Variants in SAMD4A observed in about 807,000 individuals in gnomAD.
The protein encoded by SAMD4A is protein Smaug homolog 1.
A neutral mutation model predicts 81.3 loss-of-function variants in SAMD4A; 33 were observed. The observed-to-expected ratio is 0.41, with a 90% CI of 0.31 to 0.54. The LOEUF (loss-of-function observed/expected upper bound fraction) is 0.54, where lower values mean the gene tolerates loss of function less well. Among genes scored for constraint, SAMD4A ranks in the 20% least tolerant of loss-of-function variants. SAMD4A has a pLI of 0.37. For missense variants in SAMD4A, 854 were observed against 951.1 expected, an observed-to-expected ratio of 0.90 and a Z score of 1.34; for synonymous variants, 389 against 382.1, an observed-to-expected ratio of 1.02 and a Z score of -0.21.
intron 3 of SAMD4A, among the ~76,000 whole-genome samples, chr14:54,723,434 A>G (rs1200154691): frequency 1.3e-5 from 2 of 152,226 alleles, no homozygotes; most frequent in Admixed American, 1.3e-4. Context: ...AAGCAAGAAT[A>G]GTTTTTTTGA....
intron 3 of SAMD4A, among the ~76,000 whole-genome samples, chr14:54,725,560 A>G (rs1029607016): frequency 9.8e-5 from 15 of 152,336 alleles, no homozygotes; most frequent in African/African-American, 3.6e-4. Flanking sequence ...TTCATGCCAC[A>G]TGTAATAGGC....
chr14:54,697,477 C>T (rs1375570319), intron 2 of SAMD4A, among the ~76,000 whole-genome samples: 2 of 152,130 alleles, frequency 1.3e-5, no homozygotes, highest in Non-Finnish European at 2.9e-5. Flanking sequence ...TTCATTCTCT[C>T]CTTGAGGGTA....
intron 2 of SAMD4A, among the ~76,000 whole-genome samples, chr14:54,583,679 C>T (rs1201909972): frequency 6.6e-6 from 1 of 152,142 alleles, no homozygotes; most frequent in Non-Finnish European, 1.5e-5. Flanking sequence ...CACTCCTTGA[C>T]AGTTTTAAGA....
intron 3 of SAMD4A, among the ~76,000 whole-genome samples, chr14:54,733,532 C>T (rs1345824719): frequency 6.6e-6 from 1 of 152,112 alleles, no homozygotes; most frequent in Non-Finnish European, 1.5e-5. Flanking sequence ...TCCCTCTACC[C>T]ACACTATTAT....
At chr14:54,726,799 G>A (rs1368522031) in intron 3 of SAMD4A, among the ~76,000 whole-genome samples, 1 of 152,098 alleles carries the variant, frequency 6.6e-6, no homozygotes, top group Non-Finnish European at 1.5e-5. Context: ...GAAGTTAAGT[G>A]TACAGCCAAG....
intron 4 of SAMD4A, among the ~76,000 whole-genome samples, chr14:54,738,909 C>T (rs975827525): frequency 6.6e-6 from 1 of 152,166 alleles, no homozygotes; most frequent in Non-Finnish European, 1.5e-5. Flanking sequence ...GAAGCATTGG[C>T]CTTTGTGTTT....
chr14:54,772,998 A>C (rs1481476673), intron 9 of SAMD4A, among the ~76,000 whole-genome samples: 1 of 152,172 alleles, frequency 6.6e-6, no homozygotes, highest in East Asian at 1.9e-4. Context: ...TTTAAAAGGG[A>C]AAATGGGAGA....
intron 4 of SAMD4A, among the ~76,000 whole-genome samples, chr14:54,739,608 A>G (rs1314780250): frequency 6.6e-6 from 1 of 152,206 alleles, no homozygotes; most frequent in Admixed American, 6.5e-5. Context: ...TTTAGCTGAC[A>G]GGTCAGACAG....
At chr14:54,715,508 C>T (rs180975630) in intron 3 of SAMD4A, among the ~76,000 whole-genome samples, 17 of 152,118 alleles carry the variant, frequency 1.1e-4, no homozygotes, top group African/African-American at 3.4e-4. Context: ...AAATCTAATA[C>T]GGTTTTGGTC....
intron 11 of SAMD4A, among the ~76,000 whole-genome samples, chr14:54,782,103 G>A (rs1007324047): frequency 1.3e-5 from 2 of 152,176 alleles, no homozygotes; most frequent in African/African-American, 4.8e-5. Context: ...GGATTCTGGA[G>A]CGGAGAGCCC....
chr14:54,727,403 T>C (rs1190608390), intron 3 of SAMD4A, among the ~76,000 whole-genome samples: 2 of 152,150 alleles, frequency 1.3e-5, no homozygotes, highest in East Asian at 1.9e-4. Context: ...TTAGCCAGTC[T>C]GTGTCCAACT....
chr14:54,588,596 C>T (rs2033688298), intron 2 of SAMD4A, among the ~76,000 whole-genome samples: 1 of 152,006 alleles, frequency 6.6e-6, no homozygotes, highest in Non-Finnish European at 1.5e-5. Context: ...TTTTTTTGTA[C>T]ACTCTTTTCT....
intron 2 of SAMD4A, among the ~76,000 whole-genome samples, chr14:54,660,109 A>G (rs905779817): frequency 3.3e-5 from 5 of 151,972 alleles, no homozygotes; most frequent in African/African-American, 1.2e-4. Flanking sequence ...CCTTTTGTCA[A>G]TCATCATTCT....
intron 2 of SAMD4A, among the ~76,000 whole-genome samples, chr14:54,577,790 G>A (rs925894837): frequency 2.6e-5 from 4 of 152,192 alleles, no homozygotes; most frequent in African/African-American, 4.8e-5. Context: ...TGGCGGGGGG[G>A]CACTCGAAAG....
intron 2 of SAMD4A, among the ~76,000 whole-genome samples, chr14:54,569,024 G>A (rs1408660697): frequency 1.3e-5 from 2 of 151,998 alleles, no homozygotes; most frequent in East Asian, 3.9e-4. Flanking sequence ...AGGAGGCTGG[G>A]GGATGGGGGG....
At chr14:54,579,842 A>G (rs537181197) in intron 2 of SAMD4A, among the ~76,000 whole-genome samples, 53 of 152,294 alleles carry the variant, frequency 3.5e-4, no homozygotes, top group African/African-American at 1.2e-3. Context: ...GACGTCCTTG[A>G]CTTTGACAAA....
At chr14:54,710,905 A>C (rs2036973365) in intron 3 of SAMD4A, among the ~76,000 whole-genome samples, 1 of 152,208 alleles carries the variant, frequency 6.6e-6, no homozygotes, top group African/African-American at 2.4e-5. Context: ...AATTTTGGAA[A>C]TGTCAAATTC....
At chr14:54,662,584 A>T (rs868399269) in intron 2 of SAMD4A, among the ~76,000 whole-genome samples, 10 of 146,672 alleles carry the variant, frequency 6.8e-5, no homozygotes, top group African/African-American at 1.0e-4. Flanking sequence ...TAACTTTTGT[A>T]TTTTTTTTTT....
At chr14:54,724,048 G>GGAAGGAAGGAAGGAATGAAT (rs1193163741) in intron 3 of SAMD4A, among the ~76,000 whole-genome samples, 2 of 150,958 alleles carry the variant, frequency 1.3e-5, no homozygotes, top group East Asian at 2.0e-4. Flanking sequence ...AAGGAAGGAA[G>GGAAGGAAGGAAGGAATGAAT]GAATAATGCA....
Sources: allele counts gnomAD v4.1 joint callset (sites outside exome capture counted in the v4.1 genomes callset), GRCh38; gene constraint gnomAD v4.1.1; transcripts MANE v1.5; gene names NCBI Gene and HGNC (gene_info 2026-07-23, HGNC 2026-07-21).